FHOD3: variants seen among roughly 807,000 people sequenced by gnomAD.
FHOD3 encodes formin homology 2 domain containing 3, also known as FH1/FH2 domain-containing protein 3.
FHOD3 carries 90 observed loss-of-function variants against 173.0 expected under a neutral mutation model. The observed-to-expected ratio is 0.52, with a 90% CI of 0.44 to 0.62. The LOEUF (loss-of-function observed/expected upper bound fraction) is 0.62, where lower values mean the gene tolerates loss of function less well. Among genes scored for constraint, FHOD3 ranks in the 20% least tolerant of loss-of-function variants. FHOD3 has a pLI of 0.00. For synonymous variants in FHOD3, 828 were observed against 823.0 expected (o/e 1.01, Z -0.10); for missense variants, 1,945 against 2,034.7 (o/e 0.96, Z 0.85).
intron 5 of FHOD3, among the ~76,000 whole-genome samples, chr18:36,539,856 C>T (rs1312121734): frequency 6.6e-6 from 1 of 152,106 alleles, no homozygotes; most frequent in Non-Finnish European, 1.5e-5. Context: ...ACAGGCAAGT[C>T]CTGGAAGAGG....
At chr18:36,541,249 CAAAAAAAAA>C (rs770104487) in intron 5 of FHOD3, among the ~76,000 whole-genome samples, 1 of 40,332 alleles carries the variant, frequency 2.5e-5, no homozygotes, top group African/African-American at 8.8e-5. Flanking sequence ...GACTCTGTCT[CAAAAAAAAA>C]AAAAAAAAAA....
intron 3 of FHOD3, among the ~76,000 whole-genome samples, chr18:36,428,453 A>G (rs2050367879): frequency 6.6e-6 from 1 of 151,904 alleles, no homozygotes; most frequent in African/African-American, 2.4e-5. Context: ...ACACAGCCCC[A>G]CTCCGGCCTG....
At chr18:36,714,273 A>G (rs2040330445) in intron 18 of FHOD3, among the ~76,000 whole-genome samples, 2 of 152,194 alleles carry the variant, frequency 1.3e-5, no homozygotes, top group African/African-American at 4.8e-5. Flanking sequence ...GTGGTGGCTC[A>G]CACATGTATT....
intron 7 of FHOD3, among the ~76,000 whole-genome samples, chr18:36,602,000 A>G (rs2031456205): frequency 6.6e-6 from 1 of 152,194 alleles, no homozygotes; most frequent in Non-Finnish European, 1.5e-5. Flanking sequence ...TCCCTGCTGC[A>G]AGAGACCTCA....
intron 5 of FHOD3, among the ~76,000 whole-genome samples, chr18:36,562,019 T>C (rs2058102297): frequency 6.6e-6 from 1 of 151,752 alleles, no homozygotes; most frequent in Admixed American, 6.6e-5. Context: ...TTGTATTGTA[T>C]TGTATTGTAT....
At chr18:36,723,018 A>T (rs981224110) in intron 19 of FHOD3, among the ~76,000 whole-genome samples, 1 of 152,226 alleles carries the variant, frequency 6.6e-6, no homozygotes, top group Non-Finnish European at 1.5e-5. Flanking sequence ...AAGTGTGCCC[A>T]GACACTTCTG....
chr18:36,553,573 C>A (rs1041247954), intron 5 of FHOD3, among the ~76,000 whole-genome samples: 6 of 152,108 alleles, frequency 3.9e-5, no homozygotes, highest in Non-Finnish European at 1.5e-5. Flanking sequence ...AGGAATTTAT[C>A]CATTTGTTCT....
At chr18:36,658,282 A>G (rs1241525802) in intron 14 of FHOD3, 94 bp downstream of exon 14, 23 of 793,846 alleles carry the variant, frequency 2.9e-5, no homozygotes, top group Non-Finnish European at 4.2e-5. Context: ...TAAATAAAAG[A>G]CATAACATGA....
Position 36,678,871 on chromosome 18 carries a change from A to G in FHOD3, c.1836-2565A>G, listed in dbSNP as rs545883965. Reference sequence around the variant, plus strand: ...TGGTGTTCATAATTGCAAATAGTATATAAGTTGCCGTCTTCACACTGTTCT... The same window carrying G: ...TGGTGTTCATAATTGCAAATAGTATGTAAGTTGCCGTCTTCACACTGTTCT... On this transcript the variant is annotated intron_variant, in intron 14 of 28. Transcript: ENST00000590592. Among the ~76,000 whole-genome samples the G allele has an allele frequency of 1.5e-4, 23 of 152,282 alleles. No homozygotes were observed. In the South Asian group the frequency reaches 4.6e-3, roughly 30 times the overall value.
intron 21 of FHOD3, 86 bp from the exon 22 acceptor site, chr18:36,742,651 T>C (rs1183793180): frequency 7.0e-7 from 1 of 1,422,016 alleles, no homozygotes; most frequent in African/African-American, 1.4e-5. Context: ...GAACACCGTG[T>C]GTTATTCCCT....
rs953177839 is a variant in FHOD3, at chr18:36,365,529, C to T, written c.273-7151C>T. ...TCTTGCTGAGTGTGGGGACACAGAG[C>T]GATTGCAGATGGGTATGAAGGTTTG... is the stretch of plus-strand genomic sequence containing the variant. On this transcript the variant is annotated intron_variant, in intron 2 of 28. Transcript: ENST00000590592. Among the ~76,000 whole-genome samples, 5 of 152,034 alleles carry T rather than the reference C, an allele frequency of 3.3e-5. No individual in the cohort carries two copies. In the South Asian group the frequency reaches 6.2e-4, roughly 19 times the overall value.
At chr18:36,674,455 C>T (rs1231611746) in intron 14 of FHOD3, among the ~76,000 whole-genome samples, 1 of 152,190 alleles carries the variant, frequency 6.6e-6, no homozygotes, top group Non-Finnish European at 1.5e-5. Flanking sequence ...TCATAGCTCA[C>T]TGTGGCCTTG....
At chr18:36,555,305 G>T (rs570999654) in intron 5 of FHOD3, among the ~76,000 whole-genome samples, 4 of 151,646 alleles carry the variant, frequency 2.6e-5, no homozygotes, top group African/African-American at 7.3e-5. Flanking sequence ...TTATTTAGAA[G>T]TGTGTTACTT....
intron 5 of FHOD3, among the ~76,000 whole-genome samples, chr18:36,528,462 A>C (rs564127271): frequency 6.6e-6 from 1 of 152,250 alleles, no homozygotes; most frequent in Admixed American, 6.5e-5. Flanking sequence ...TCTATGGCTC[A>C]CCTTCTTTTT....
At chr18:36,550,278 C>A (rs1292308856) in intron 5 of FHOD3, among the ~76,000 whole-genome samples, 3 of 94,692 alleles carry the variant, frequency 3.2e-5, no homozygotes, top group African/African-American at 1.1e-4. Flanking sequence ...GGGTCTGTTT[C>A]TGAACTTTTC....
chr18:36,388,280 A>G (rs2048123521), intron 3 of FHOD3, among the ~76,000 whole-genome samples: 1 of 152,150 alleles, frequency 6.6e-6, no homozygotes. Flanking sequence ...GAAAAGCGAA[A>G]CACCGGGAGC....
chr18:36,631,185 C>T (rs1166643436), intron 10 of FHOD3, among the ~76,000 whole-genome samples: 1 of 152,164 alleles, frequency 6.6e-6, no homozygotes, highest in Admixed American at 6.5e-5. Context: ...GCTCAGCCTG[C>T]ACCTGGCAGA....
chr18:36,475,035 T>A (rs55661391), intron 3 of FHOD3, among the ~76,000 whole-genome samples: 4,798 of 32,868 alleles, frequency 0.15, 249 homozygotes, highest in East Asian at 0.3. Context: ...ACACACACAC[T>A]CTGCAAAATT....
At chr18:36,436,618 A>G (rs1030927105) in intron 3 of FHOD3, among the ~76,000 whole-genome samples, 1 of 152,216 alleles carries the variant, frequency 6.6e-6, no homozygotes, top group Non-Finnish European at 1.5e-5. Flanking sequence ...AAACATTGTC[A>G]TCAAATACCT....
Sources: gnomAD v4.1 joint callset for allele counts (sites outside exome capture counted in the v4.1 genomes callset) on GRCh38, gnomAD v4.1.1 for gene constraint, MANE v1.5 for transcripts, NCBI Gene and HGNC (gene_info 2026-07-23, HGNC 2026-07-21) for gene names.